The following MTDH variants were observed in gnomAD, a reference collection of about 807,000 sequenced individuals.
MTDH encodes the protein protein LYRIC.
Under a neutral mutation model 72.7 loss-of-function variants are expected in MTDH, and 34 were observed. That is an observed-to-expected ratio of 0.47 (90% CI 0.36 to 0.62). The LOEUF is 0.62. Ranked by LOEUF, MTDH falls within the 20% of genes least tolerant of loss-of-function variation. The probability of loss-of-function intolerance (pLI) is 0.00; values close to 1 mark genes in which losing one functional copy is unlikely to be tolerated. For missense variants in MTDH, 677 were observed against 699.4 expected (o/e 0.97, Z 0.36); for synonymous variants, 266 against 268.9 (o/e 0.99, Z 0.10).
chr8:97,668,139 T>A (rs1464819261), intron 2 of MTDH, among the ~76,000 whole-genome samples: 2 of 151,850 alleles, frequency 1.3e-5, no homozygotes, highest in Non-Finnish European at 2.9e-5. Flanking sequence ...TACAAAAAAC[T>A]AGCCGAGCGA....
At chr8:97,717,057 A>C (rs889102261) in intron 9 of MTDH, among the ~76,000 whole-genome samples, 1 of 152,140 alleles carries the variant, frequency 6.6e-6, no homozygotes, top group African/African-American at 2.4e-5. Context: ...AAATAAATTG[A>C]TGTCTTCTGA....
At chr8:97,706,294 GAA>G (rs1242661740) in intron 7 of MTDH, 1 of 160,766 alleles carries the variant, frequency 6.2e-6, no homozygotes, top group African/African-American at 2.4e-5. Context: ...AATCAGGGGA[GAA>G]AACAACCAGG....
intron 8 of MTDH, among the ~76,000 whole-genome samples, chr8:97,711,615 C>T (rs1265565136): frequency 2.0e-5 from 3 of 152,142 alleles, no homozygotes; most frequent in Non-Finnish European, 4.4e-5. Context: ...GCCATCCCCA[C>T]CGCTCCCCAC....
chr8:97,684,805 C>A (rs1258576659), intron 2 of MTDH, among the ~76,000 whole-genome samples: 4 of 152,228 alleles, frequency 2.6e-5, no homozygotes, highest in African/African-American at 9.6e-5. Context: ...GGGAGCAGCT[C>A]ACGCCTATAA....
At chr8:97,650,727 A>T (rs953068017) in intron 1 of MTDH, among the ~76,000 whole-genome samples, 2 of 151,704 alleles carry the variant, frequency 1.3e-5, no homozygotes, top group African/African-American at 4.8e-5. Context: ...CCTTTTAAAA[A>T]TTTATTTATT....
chr8:97,665,211 T>C (rs1812329808), intron 2 of MTDH, among the ~76,000 whole-genome samples: 1 of 152,236 alleles, frequency 6.6e-6, no homozygotes, highest in African/African-American at 2.4e-5. Flanking sequence ...AGCTGTGATA[T>C]TGATTACCTT....
chr8:97,651,782 G>A (rs1811781974), intron 1 of MTDH, among the ~76,000 whole-genome samples: 1 of 152,120 alleles, frequency 6.6e-6, no homozygotes, highest in African/African-American at 2.4e-5. Context: ...TTGGGAGTCT[G>A]ATACGTATCT....
intron 11 of MTDH, among the ~76,000 whole-genome samples, chr8:97,724,286 C>T (rs374340693): frequency 2.0e-5 from 3 of 152,230 alleles, no homozygotes; most frequent in East Asian, 3.9e-4. Flanking sequence ...TCTTCAGCTA[C>T]CTTTAGTATC....
intron 6 of MTDH, among the ~76,000 whole-genome samples, chr8:97,698,284 A>C (rs902150285): frequency 6.6e-6 from 1 of 152,188 alleles, no homozygotes; most frequent in Non-Finnish European, 1.5e-5. Context: ...TGTAAATTCC[A>C]ATTCAGAAGG....
intron 8 of MTDH, among the ~76,000 whole-genome samples, chr8:97,710,468 T>G (rs1165594265): frequency 1.3e-5 from 2 of 151,776 alleles, no homozygotes; most frequent in East Asian, 3.9e-4. Flanking sequence ...GGTGGGCGGA[T>G]CACCCGAGGT....
chr8:97,678,789 A>G (rs1442355616), intron 2 of MTDH, among the ~76,000 whole-genome samples: 1 of 151,738 alleles, frequency 6.6e-6, no homozygotes, highest in Non-Finnish European at 1.5e-5. Context: ...TATCTTTTTT[A>G]TAAAGATAAA....
At chr8:97,697,505 C>T (rs149627306) in intron 6 of MTDH, among the ~76,000 whole-genome samples, 1 of 150,594 alleles carries the variant, frequency 6.6e-6, no homozygotes, top group Admixed American at 6.6e-5. Flanking sequence ...CCTGCCTCGG[C>T]GTCCCATGTA....
At chr8:97,711,972 A>G (rs181138285) in intron 8 of MTDH, among the ~76,000 whole-genome samples, 2 of 152,348 alleles carry the variant, frequency 1.3e-5, no homozygotes, top group East Asian at 1.9e-4. Context: ...AAGATACAGA[A>G]CATTTATCGT....
intron 2 of MTDH, among the ~76,000 whole-genome samples, chr8:97,666,896 TG>T (rs1326923157): frequency 1.1e-4 from 17 of 152,066 alleles, no homozygotes; most frequent in Admixed American, 2.6e-4. Context: ...GGGGTTTCAC[TG>T]TGTTGGCCAG....
intron 6 of MTDH, 57 bp downstream of exon 6, chr8:97,691,245 T>C: frequency 7.9e-7 from 1 of 1,269,628 alleles, no homozygotes; most frequent in Non-Finnish European, 1.1e-6. Flanking sequence ...TGTACATTTT[T>C]AATTTTTCAG....
chr8:97,696,232 G>T (rs1236745109), intron 6 of MTDH: 27 of 985,198 alleles, frequency 2.7e-5, no homozygotes, highest in Non-Finnish European at 3.3e-5. Context: ...ATAGGGGAAT[G>T]AATACCTCTG....
In MTDH at chr8:97,713,729, A is replaced by C; in HGVS notation, c.1340A>C (p.Lys447Thr). The C allele has an allele frequency of 6.2e-7, 1 of 1,607,998 alleles. No individual in the cohort carries two copies. Among genetic ancestry groups the C allele is most frequent in the Non-Finnish European group, 8.5e-7 (1 of 1,177,516 alleles). ...ACTGGGAAATCCAAAAAGAAAAAAA[A>C]GAAAAAGAAGAAGCAAGGTGAAGAT... ...LPTGKSKKKK[K>T]KKKKQGEDNS... The change falls in exon 9 of 12, where the codon AAG becomes ACG. Residue 447 changes from lysine to threonine, a missense_variant. Lys to Thr is a moderately conservative substitution (Grantham distance 78, BLOSUM62 -1). Transcript: ENST00000336273.
At chr8:97,663,172 G>A (rs936885355) in intron 2 of MTDH, among the ~76,000 whole-genome samples, 1 of 151,838 alleles carries the variant, frequency 6.6e-6, no homozygotes, top group African/African-American at 2.4e-5. Flanking sequence ...TCCCTGAATT[G>A]CCCTGAAAAA....
chr8:97,701,426 AAGT>A (rs1586264688), intron 7 of MTDH, among the ~76,000 whole-genome samples: 1 of 152,326 alleles, frequency 6.6e-6, no homozygotes, highest in African/African-American at 2.4e-5. Flanking sequence ...CAAGAAAAAA[AAGT>A]GTGTACATAT....
Sources: allele counts gnomAD v4.1 joint callset (sites outside exome capture counted in the v4.1 genomes callset), GRCh38; gene constraint gnomAD v4.1.1; transcripts MANE v1.5; gene names NCBI Gene and HGNC (gene_info 2026-07-23, HGNC 2026-07-21).